Variants in TERF1 observed in about 807,000 individuals in gnomAD.
The protein encoded by TERF1 is telomeric repeat binding factor 1.
A neutral mutation model predicts 55.1 loss-of-function variants in TERF1; 20 were observed. The observed-to-expected ratio is 0.36, with a 90% CI of 0.26 to 0.53. The LOEUF (loss-of-function observed/expected upper bound fraction) is 0.53, where lower values mean the gene tolerates loss of function less well. Ranked by LOEUF, TERF1 falls within the 20% of genes least tolerant of loss-of-function variation. TERF1 has a pLI of 0.91. For synonymous variants in TERF1, 168 were observed against 181.2 expected (o/e 0.93, Z 0.59); for missense variants, 439 against 535.7 (o/e 0.82, Z 1.78).
rs959071714 is a variant in TERF1, at chr8:73,027,049, A to G, written c.884A>G (p.Lys295Arg). The change falls in exon 6 of 10, where the codon AAA becomes AGA. Residue 295 changes from lysine (K) to arginine (R), a missense_variant. Physicochemically the swap from Lys to Arg is conservative, Grantham distance 26. This residue lies in a region of TERF1 where 140 missense variants were observed against 158.6 expected (regional missense o/e 0.88). Transcript: ENST00000276603. ...ACTGAAGCTAATTTGGATACAAGAAAAAGGTTTGTAATTTAATCAATTTGT... is the reference window on the plus strand; with the variant it reads ...ACTGAAGCTAATTTGGATACAAGAAGAAGGTTTGTAATTTAATCAATTTGT... ...METEANLDTRKSVSDKQSAVT... is the reference protein window; with the variant it reads ...METEANLDTRRSVSDKQSAVT... The G allele has an allele frequency of 6.9e-6, 11 of 1,602,166 alleles. No homozygotes were observed. Among genetic ancestry groups the G allele is most frequent in the African/African-American group, 6.7e-5 (5 of 74,454 alleles).
rs1354793476 is a variant in TERF1 at position 73,047,041 on chromosome 8, G to A, written c.*904G>A. 2 of 152,072 alleles carry A rather than the reference G, an allele frequency of 1.3e-5. No individual in the cohort carries two copies. The highest frequency in any genetic ancestry group is 6.6e-5 in the Admixed American group (1 of 15,244). The allele number at this position is 152,072 out of a possible 1,614,324, so 9.4% of individuals were successfully genotyped here. A position where few individuals can be genotyped will look rare whatever the true frequency, so the allele number is the denominator to read the frequency against. On this transcript the variant is annotated 3_prime_UTR_variant, in exon 10 of 10. Coordinates refer to ENST00000276603, the MANE Select transcript of TERF1 (RefSeq NM_017489.3). ...ACACTGGGGAGGTAGGGTGGGGAGC[G>A]GGAGCAAGAGCTGAAAAACTTACCT...
rs372338370 is a variant in TERF1, at chr8:73,047,136, A to G, written c.*999A>G. 2.0e-5 allele frequency: 3 copies of G among 152,282 alleles called. No homozygotes were observed. Among genetic ancestry groups the G allele is most frequent in the Non-Finnish European group, 2.9e-5 (2 of 68,030 alleles). 9.4% of individuals were successfully genotyped at this position (152,282 alleles called of 1,614,324 possible). A position where few individuals can be genotyped will look rare whatever the true frequency, so the allele number is the denominator to read the frequency against. ...CCCAAACCTCAACATCACACAGTAT[A>G]CTCAGCTAACAAACCTGCCCATGTG... On this transcript the variant is annotated 3_prime_UTR_variant, in exon 10 of 10. Coordinates refer to ENST00000276603, the MANE Select transcript of TERF1 (RefSeq NM_017489.3).
intron 6 of TERF1, 81 bp from the exon 7 acceptor site, chr8:73,030,255 T>C (rs1475171961): frequency 2.4e-6 from 2 of 847,688 alleles, no homozygotes; most frequent in Non-Finnish European, 3.6e-6. Context: ...AATTGAAATA[T>C]GCCTTGACTA....
chr8:73,024,509 A>T (rs1808897568), intron 4 of TERF1, among the ~76,000 whole-genome samples: 1 of 152,214 alleles, frequency 6.6e-6, no homozygotes, highest in Non-Finnish European at 1.5e-5. Context: ...ATACAATCAG[A>T]TTATGGTAGT....
At chr8:73,030,478 A>T (rs1001794731) in intron 7 of TERF1, 83 bp downstream of exon 7, 3 of 810,496 alleles carry the variant, frequency 3.7e-6, no homozygotes, top group Non-Finnish European at 5.4e-6. Flanking sequence ...AAACTACCAC[A>T]TAAATGGTAC....
At position 73,045,954 on chromosome 8, in the gene TERF1, T is replaced by G; in HGVS notation, c.1144-7T>G. 6.5e-7 allele frequency: 1 copy of G among 1,529,014 alleles called. No individual in the cohort carries two copies. The highest frequency in any genetic ancestry group is 1.4e-5 in the African/African-American group (1 of 70,800). The allele number at this position is 1,529,014 out of a possible 1,614,324, so 94.7% of individuals were successfully genotyped here. On this transcript the variant is annotated splice_region_variant and splice_polypyrimidine_tract_variant and intron_variant, in intron 9 of 9. Coordinates refer to ENST00000276603, the MANE Select transcript of TERF1 (RefSeq NM_017489.3). ...CTGTAAATAACTGTTTTACTTTTTA[T>G]CAAAAGGCATGGCTTTGGGAAGAAG...
At chr8:73,025,061 T>A in intron 5 of TERF1, 90 bp downstream of exon 5, 1 of 836,528 alleles carries the variant, frequency 1.2e-6, no homozygotes, top group Non-Finnish European at 1.7e-6. Flanking sequence ...CCTTTAAAAT[T>A]AATCAGAATT....
rs1435378381 is a variant in TERF1, at chr8:73,047,214, C to A, written c.*1077C>A. Reference sequence around the variant, plus strand: ...ATAATTTTTTTAAAAAAGAAAAAGACAATAGTATTACCCATGGGACAAAAT... The same window carrying A: ...ATAATTTTTTTAAAAAAGAAAAAGAAAATAGTATTACCCATGGGACAAAAT... On this transcript the variant is annotated 3_prime_UTR_variant, in exon 10 of 10. Transcript: ENST00000276603. The A allele has an allele frequency of 6.6e-6, 1 of 152,022 alleles. No homozygotes were observed. Among genetic ancestry groups the A allele is most frequent in the Non-Finnish European group, 1.5e-5 (1 of 68,014 alleles). 9.4% of individuals were successfully genotyped at this position (152,022 alleles called of 1,614,324 possible).
chr8:73,038,212 G>C (rs1321406616), intron 8 of TERF1, among the ~76,000 whole-genome samples: 2 of 151,944 alleles, frequency 1.3e-5, no homozygotes, highest in Non-Finnish European at 2.9e-5. Context: ...CACTTTGGGA[G>C]GCCAAGGCAG....
chr8:73,021,434 T>C (rs1808747591), intron 3 of TERF1, among the ~76,000 whole-genome samples: 1 of 152,182 alleles, frequency 6.6e-6, no homozygotes, highest in South Asian at 2.1e-4. Flanking sequence ...AGATTTGTCA[T>C]GTTATTGCAA....
chr8:73,026,637 ATTTT>A (rs34434440), intron 5 of TERF1, among the ~76,000 whole-genome samples: 12 of 148,146 alleles, frequency 8.1e-5, no homozygotes, highest in African/African-American at 2.5e-4. Flanking sequence ...TAGAATTTTT[ATTTT>A]TTTTTTTTTT....
At chr8:73,029,169 T>C (rs1450000088) in intron 6 of TERF1, among the ~76,000 whole-genome samples, 1 of 152,030 alleles carries the variant, frequency 6.6e-6, no homozygotes, top group African/African-American at 2.4e-5. Flanking sequence ...GTCAGACAAA[T>C]CCTAGAAAAA....
intron 9 of TERF1, among the ~76,000 whole-genome samples, chr8:73,039,737 C>T (rs1211814952): frequency 1.3e-5 from 2 of 150,914 alleles, no homozygotes; most frequent in African/African-American, 4.9e-5. Flanking sequence ...TAGTTGTTCA[C>T]AGCAGATGGA....
chr8:73,027,587 ATTG>A (rs915243352), intron 6 of TERF1, among the ~76,000 whole-genome samples: 28 of 152,166 alleles, frequency 1.8e-4, no homozygotes, highest in African/African-American at 6.0e-4. Context: ...TTCAGGGGTG[ATTG>A]TTGTCTTTTG....
intron 7 of TERF1, chr8:73,030,960 A>G (rs973899324): frequency 1.3e-5 from 2 of 152,292 alleles, no homozygotes; most frequent in African/African-American, 4.8e-5. Flanking sequence ...AAGATGGTAT[A>G]TGAATTGTCT....
chr8:73,042,891 GACAATAAA>G (rs1809890652), intron 9 of TERF1: 1 of 152,138 alleles, frequency 6.6e-6, no homozygotes, highest in African/African-American at 2.4e-5. Context: ...AAAGACAAAT[GACAATAAA>G]ACAAAGGAAA....
intron 8 of TERF1, among the ~76,000 whole-genome samples, chr8:73,037,583 TAA>T (rs1464293585): frequency 1.0e-4 from 11 of 108,978 alleles, no homozygotes; most frequent in African/African-American, 3.5e-4. Context: ...TTTTTATATA[TAA>T]TATATATAAC....
chr8:73,018,012 C>T (rs1164172322), intron 2 of TERF1, among the ~76,000 whole-genome samples: 1 of 152,068 alleles, frequency 6.6e-6, no homozygotes, highest in Non-Finnish European at 1.5e-5. Context: ...CCTGGCCATG[C>T]ATCAATATTT....
intron 8 of TERF1, among the ~76,000 whole-genome samples, chr8:73,036,356 C>T (rs1809508008): frequency 1.3e-5 from 2 of 152,150 alleles, no homozygotes; most frequent in Non-Finnish European, 2.9e-5. Context: ...CAGGGGTGCT[C>T]AGAGCCAATA....
Sources: gnomAD v4.1 joint callset for allele counts (sites outside exome capture counted in the v4.1 genomes callset) on GRCh38, gnomAD v4.1.1 for gene constraint, gnomAD v4.1.1 regional missense constraint, MANE v1.5 for transcripts, NCBI Gene and HGNC (gene_info 2026-07-23, HGNC 2026-07-21) for gene names.